DPY19L4: variants seen among roughly 807,000 people sequenced by gnomAD.
The protein encoded by DPY19L4 is probable C-mannosyltransferase DPY19L4.
Under a neutral mutation model 102.8 loss-of-function variants are expected in DPY19L4, and 97 were observed. That is an observed-to-expected ratio of 0.94 (90% CI 0.80 to 1.12). The LOEUF (loss-of-function observed/expected upper bound fraction) is 1.12. Ranked by LOEUF, DPY19L4 falls within the 50% of genes most tolerant of loss-of-function variation. DPY19L4 has a pLI of 0.00. For synonymous variants in DPY19L4, 252 were observed against 283.1 expected (o/e 0.89, Z 1.10); for missense variants, 815 against 850.4 (o/e 0.96, Z 0.52).
chr8:94,727,888 C>G (rs1479956009), intron 2 of DPY19L4, among the ~76,000 whole-genome samples: 1 of 152,158 alleles, frequency 6.6e-6, no homozygotes, highest in Non-Finnish European at 1.5e-5. Flanking sequence ...TGGGAACTCT[C>G]CTGAAATTGA....
chr8:94,785,119 G>A (rs1586429089), intron 17 of DPY19L4, among the ~76,000 whole-genome samples: 1 of 152,172 alleles, frequency 6.6e-6, no homozygotes, highest in Non-Finnish European at 1.5e-5. Flanking sequence ...TGCTAGCTCT[G>A]CTGTGTATTA....
chr8:94,760,349 A>G (rs930535038), intron 7 of DPY19L4, among the ~76,000 whole-genome samples: 3 of 152,170 alleles, frequency 2.0e-5, no homozygotes, highest in Non-Finnish European at 4.4e-5. Context: ...TCTGGTTATT[A>G]CAGTTCTGTT....
intron 14 of DPY19L4, 140 bp from the exon 15 acceptor site, chr8:94,780,219 A>G (rs12056667): frequency 2.1e-6 from 1 of 487,154 alleles, no homozygotes; most frequent in Non-Finnish European, 3.3e-6. Context: ...TCTGTGAACT[A>G]GGTTCTATGT....
chr8:94,749,971 T>C (rs1811847644), intron 6 of DPY19L4, among the ~76,000 whole-genome samples: 1 of 152,226 alleles, frequency 6.6e-6, no homozygotes, highest in Admixed American at 6.5e-5. Flanking sequence ...TGTTTGTTTG[T>C]TTTTGACCAA....
chr8:94,748,796 T>A (rs952279305), intron 6 of DPY19L4, among the ~76,000 whole-genome samples: 1 of 152,196 alleles, frequency 6.6e-6, no homozygotes, highest in Non-Finnish European at 1.5e-5. Context: ...TTGAGGGATC[T>A]AGGTTGTGTG....
rs1813897679 is a variant in DPY19L4, at chr8:94,791,857, T to G, written c.*1947T>G. 2 of 152,212 alleles carry G rather than the reference T, an allele frequency of 1.3e-5. No individual in the cohort carries two copies. Among genetic ancestry groups the G allele is most frequent in the African/African-American group, 2.4e-5 (1 of 41,458 alleles). The allele number at this position is 152,212 out of a possible 1,614,324, so 9.4% of individuals were successfully genotyped here. ...TGGAAAAATTGTTAATGGGATGTTTTAAATAATGAATTTTTCATCCAGCAT... is the reference window on the plus strand; with the variant it reads ...TGGAAAAATTGTTAATGGGATGTTTGAAATAATGAATTTTTCATCCAGCAT... On this transcript the variant is annotated 3_prime_UTR_variant, in exon 19 of 19. Transcript: ENST00000414645.
At chr8:94,773,456 AAC>A (rs1405787880) in intron 13 of DPY19L4, among the ~76,000 whole-genome samples, 1 of 152,022 alleles carries the variant, frequency 6.6e-6, no homozygotes, top group Non-Finnish European at 1.5e-5. Context: ...TGTTTTTTGA[AAC>A]AGAGTCTTTG....
At chr8:94,769,010 TAAA>T (rs527976884) in intron 12 of DPY19L4, among the ~76,000 whole-genome samples, 2 of 124,918 alleles carry the variant, frequency 1.6e-5, no homozygotes, top group African/African-American at 2.9e-5. Context: ...ACTCCCTCTC[TAAA>T]AAAAAAAAAA....
At chr8:94,741,009 C>A (rs1811423058) in intron 6 of DPY19L4, among the ~76,000 whole-genome samples, 1 of 152,152 alleles carries the variant, frequency 6.6e-6, no homozygotes, top group Admixed American at 6.5e-5. Context: ...AGTCTTGTTG[C>A]ATCCTGTGGT....
chr8:94,732,838 T>G (rs959721607), intron 2 of DPY19L4, among the ~76,000 whole-genome samples: 3 of 133,672 alleles, frequency 2.2e-5, no homozygotes, highest in African/African-American at 8.8e-5. Flanking sequence ...TGAGACAAGA[T>G]CTGGCTGTGT....
intron 17 of DPY19L4, among the ~76,000 whole-genome samples, chr8:94,784,032 C>G (rs1014168484): frequency 2.0e-5 from 3 of 152,158 alleles, no homozygotes; most frequent in Non-Finnish European, 2.9e-5. Context: ...TGATATGTTT[C>G]TAGGAAAAAT....
At chr8:94,754,251 A>T (rs1812066163) in intron 6 of DPY19L4, among the ~76,000 whole-genome samples, 1 of 152,152 alleles carries the variant, frequency 6.6e-6, no homozygotes. Flanking sequence ...TTTATTATGT[A>T]TGCTGCTGTT....
At chr8:94,731,094 A>C (rs148395280) in intron 2 of DPY19L4, among the ~76,000 whole-genome samples, 7 of 150,908 alleles carry the variant, frequency 4.6e-5, no homozygotes, top group African/African-American at 1.7e-4. Flanking sequence ...AAGGTTAGGC[A>C]TTTATATATA....
intron 2 of DPY19L4, among the ~76,000 whole-genome samples, chr8:94,732,347 T>C (rs1176667172): frequency 6.6e-6 from 1 of 152,160 alleles, no homozygotes; most frequent in Non-Finnish European, 1.5e-5. Flanking sequence ...GTAGCAAGAC[T>C]GAATCATCTT....
chr8:94,731,561 A>G (rs1563573208), intron 2 of DPY19L4, among the ~76,000 whole-genome samples: 1 of 151,790 alleles, frequency 6.6e-6, no homozygotes. Context: ...GATTACAGGC[A>G]TGCGCCACCA....
chr8:94,772,346 C>T (rs972487024), intron 13 of DPY19L4, among the ~76,000 whole-genome samples: 3 of 152,092 alleles, frequency 2.0e-5, no homozygotes, highest in African/African-American at 4.8e-5. Context: ...TTGAGAGTCC[C>T]CCAAACTACC....
intron 6 of DPY19L4, among the ~76,000 whole-genome samples, chr8:94,740,986 G>A (rs1206602339): frequency 6.6e-6 from 1 of 152,092 alleles, no homozygotes; most frequent in Non-Finnish European, 1.5e-5. Flanking sequence ...CCCTTTTTAT[G>A]TTGAAGAGAC....
At chr8:94,772,896 C>T (rs947490230) in intron 13 of DPY19L4, among the ~76,000 whole-genome samples, 2 of 152,116 alleles carry the variant, frequency 1.3e-5, no homozygotes, top group Non-Finnish European at 2.9e-5. Flanking sequence ...AAGTAAGATG[C>T]ATGGGAATAA....
intron 15 of DPY19L4, 22 bp from the exon 16 acceptor site, chr8:94,781,056 ATTTTTT>A (rs36116205): frequency 7.5e-6 from 9 of 1,200,948 alleles, no homozygotes; most frequent in Admixed American, 2.8e-5. Flanking sequence ...TCTTTTGGGG[ATTTTTT>A]TTTTTTTTTT....
Sources: allele counts gnomAD v4.1 joint callset (sites outside exome capture counted in the v4.1 genomes callset), GRCh38; gene constraint gnomAD v4.1.1; transcripts MANE v1.5; gene names NCBI Gene and HGNC (gene_info 2026-07-23, HGNC 2026-07-21).